Variants in ATXN1 observed in about 807,000 individuals in gnomAD.
ATXN1 encodes ataxin 1.
In ATXN1, 8 loss-of-function variants were observed where a neutral mutation model predicts 56.4. The ratio of observed to expected loss-of-function variants is 0.14; its 90% CI spans 0.08 to 0.26. ATXN1 has a LOEUF of 0.26. ATXN1 is among the 10% of genes least tolerant of loss of function. ATXN1 has a pLI of 1.00. For missense variants in ATXN1, 987 were observed against 1,106.5 expected, an observed-to-expected ratio of 0.89 and a Z score of 1.53; for synonymous variants, 514 against 494.6, an observed-to-expected ratio of 1.04 and a Z score of -0.52.
intron 6 of ATXN1, among the ~76,000 whole-genome samples, chr6:16,478,423 G>C (rs1300686726): frequency 6.6e-6 from 1 of 152,220 alleles, no homozygotes; most frequent in Non-Finnish European, 1.5e-5. Context: ...GAAACAGGTA[G>C]AGCCATTGAG....
In ATXN1 at chr6:16,347,217, G is replaced by A. The variant is rs141785369; in HGVS notation, c.-160-18747C>T. Among the ~76,000 whole-genome samples the A allele has an allele frequency of 2.0e-3, 300 of 152,378 alleles. 1 individual carries two copies. The highest frequency in any genetic ancestry group is 0.01 in the Middle Eastern group (3 of 294). On this transcript the variant is annotated intron_variant, in intron 6 of 7. Transcript: ENST00000436367. ...GTCCCATCGACCACCCAAGGACTGA[G>A]GAGTGCGGGCGCACGGCACTGGCAG...
At position 16,302,576 on chromosome 6, in the gene ATXN1, ATTC is replaced by A. The variant is rs1561841813; in HGVS notation, c.*3750_*3752del. ...AGTGTGGCCCAGACAAACTGAAATA[ATTC>A]TTAAGTTAAACATTCTAAGGAACAG... On this transcript the variant is annotated 3_prime_UTR_variant, in exon 8 of 8. Coordinates refer to ENST00000436367, the MANE Select transcript of ATXN1 (RefSeq NM_001128164.2). 6.6e-6 allele frequency: 1 copy of A among 152,564 alleles called. No individual in the cohort carries two copies. The highest frequency in any genetic ancestry group is 2.1e-4 in the South Asian group (1 of 4,826). The allele number at this position is 152,564 out of a possible 1,614,324, so 9.5% of individuals were successfully genotyped here. A position where few individuals can be genotyped will look rare whatever the true frequency, so the allele number is the denominator to read the frequency against.
chr6:16,417,214 C>A (rs1758928987), intron 6 of ATXN1, among the ~76,000 whole-genome samples: 1 of 152,060 alleles, frequency 6.6e-6, no homozygotes, highest in African/African-American at 2.4e-5. Flanking sequence ...AAAAAATTTT[C>A]TTTTGAGACA....
In ATXN1 at chr6:16,363,284, T is replaced by C. The variant is rs182828893; in HGVS notation, c.-160-34814A>G. Reference sequence around the variant, plus strand: ...CCTAAGGCCGTGGCACTGTGCCTGATACATATTTGATAGGTGCATGCTAAG... The same window carrying C: ...CCTAAGGCCGTGGCACTGTGCCTGACACATATTTGATAGGTGCATGCTAAG... On this transcript the variant is annotated intron_variant, in intron 6 of 7. Coordinates refer to ENST00000436367, the MANE Select transcript of ATXN1 (RefSeq NM_001128164.2). Among the ~76,000 whole-genome samples the C allele has an allele frequency of 4.0e-3, 602 of 152,366 alleles. 2 individuals are homozygous for C. The highest frequency in any genetic ancestry group is 6.8e-3 in the Middle Eastern group (2 of 294).
chr6:16,744,243 C>T (rs1201594218), intron 2 of ATXN1, among the ~76,000 whole-genome samples: 1 of 152,154 alleles, frequency 6.6e-6, no homozygotes, highest in Non-Finnish European at 1.5e-5. Flanking sequence ...GAAGAGCTAT[C>T]CCCGGAGAAG....
At position 16,663,158 on chromosome 6, in the gene ATXN1, G is replaced by A. The variant is rs1047278845; in HGVS notation, c.-614-5257C>T. Among the ~76,000 whole-genome samples, 7 of 151,696 alleles carry A rather than the reference G, an allele frequency of 4.6e-5. No homozygotes were observed. The South Asian group carries it at 8.4e-4, about 18-fold the overall frequency. ...TGGCTAATTAATCTTTAGTAGAGAC[G>A]GGGTTTCACCATGTTGGTCAGGCTG... is the stretch of plus-strand genomic sequence containing the variant. On this transcript the variant is annotated intron_variant, in intron 2 of 7. Coordinates refer to ENST00000436367, the MANE Select transcript of ATXN1 (RefSeq NM_001128164.2).
intron 6 of ATXN1, among the ~76,000 whole-genome samples, chr6:16,340,717 G>C (rs1761226936): frequency 6.6e-6 from 1 of 152,162 alleles, no homozygotes; most frequent in Admixed American, 6.6e-5. Flanking sequence ...ACTTAAATAG[G>C]CCAAGTAATA....
At chr6:16,469,112 C>T (rs1344916251) in intron 6 of ATXN1, among the ~76,000 whole-genome samples, 1 of 152,082 alleles carries the variant, frequency 6.6e-6, no homozygotes, top group Non-Finnish European at 1.5e-5. Context: ...CCAATAAATG[C>T]TTGATGAATA....
intron 2 of ATXN1, among the ~76,000 whole-genome samples, chr6:16,697,564 T>C (rs761184993): frequency 4.6e-5 from 7 of 152,272 alleles, no homozygotes; most frequent in Middle Eastern, 3.4e-3. Context: ...GATCTTTTTT[T>C]TCCTATGCTG....
At chr6:16,345,784 A>T (rs1761370204) in intron 6 of ATXN1, among the ~76,000 whole-genome samples, 2 of 152,210 alleles carry the variant, frequency 1.3e-5, no homozygotes, top group Non-Finnish European at 2.9e-5. Context: ...TCAATAAAAA[A>T]GCTGAGTAAT....
At chr6:16,456,938 G>T (rs1190629202) in intron 6 of ATXN1, among the ~76,000 whole-genome samples, 1 of 152,130 alleles carries the variant, frequency 6.6e-6, no homozygotes, top group Admixed American at 6.5e-5. Flanking sequence ...TATTCCCAAA[G>T]CTAGGATAGG....
chr6:16,369,753 G>T (rs1762001788), intron 6 of ATXN1, among the ~76,000 whole-genome samples: 1 of 152,074 alleles, frequency 6.6e-6, no homozygotes, highest in Non-Finnish European at 1.5e-5. Flanking sequence ...ATTCCACCAG[G>T]ACTGAACCCT....
chr6:16,624,847 G>A (rs897760742), intron 3 of ATXN1, among the ~76,000 whole-genome samples: 1 of 152,186 alleles, frequency 6.6e-6, no homozygotes, highest in Non-Finnish European at 1.5e-5. Flanking sequence ...CACACTTGCA[G>A]TTTAACTTCA....
intron 4 of ATXN1, among the ~76,000 whole-genome samples, chr6:16,551,262 A>G (rs1488250127): frequency 1.3e-5 from 2 of 152,230 alleles, no homozygotes; most frequent in African/African-American, 4.8e-5. Context: ...CACATAAAGG[A>G]AGCTATTCTA....
At chr6:16,589,912 T>C (rs563538726) in intron 3 of ATXN1, among the ~76,000 whole-genome samples, 1 of 152,322 alleles carries the variant, frequency 6.6e-6, no homozygotes, top group South Asian at 2.1e-4. Context: ...GACTAATGAT[T>C]GTTTCGGTAA....
At chr6:16,594,558 C>T (rs1762781978) in intron 3 of ATXN1, among the ~76,000 whole-genome samples, 1 of 151,360 alleles carries the variant, frequency 6.6e-6, no homozygotes, top group African/African-American at 2.4e-5. Flanking sequence ...TCTCGGCTCA[C>T]TACAGCCTCC....
chr6:16,613,594 AG>A (rs1445448525), intron 3 of ATXN1, among the ~76,000 whole-genome samples: 2 of 152,064 alleles, frequency 1.3e-5, no homozygotes, highest in African/African-American at 2.4e-5. Context: ...TGGGAGGCTG[AG>A]GCAGGATTGC....
chr6:16,350,728 G>C (rs995730542), intron 6 of ATXN1, among the ~76,000 whole-genome samples: 1 of 152,154 alleles, frequency 6.6e-6, no homozygotes, highest in Non-Finnish European at 1.5e-5. Flanking sequence ...CCTATTTGTG[G>C]GGAGGGAAGG....
chr6:16,330,335 CCTACTTTGTAA>C (rs1395022962), intron 6 of ATXN1, among the ~76,000 whole-genome samples: 3 of 152,142 alleles, frequency 2.0e-5, no homozygotes, highest in Non-Finnish European at 1.5e-5. Context: ...TACTCTGCCC[CCTACTTTGTAA>C]CTATTTTTTA....
Sources: gnomAD v4.1 joint callset for allele counts (sites outside exome capture counted in the v4.1 genomes callset) on GRCh38, gnomAD v4.1.1 for gene constraint, MANE v1.5 for transcripts, NCBI Gene and HGNC (gene_info 2026-07-23, HGNC 2026-07-21) for gene names.